CADPS2: variants seen among roughly 807,000 people sequenced by gnomAD.
CADPS2 encodes the protein calcium-dependent secretion activator 2.
Under a neutral mutation model 172.5 loss-of-function variants are expected in CADPS2, and 93 were observed. The ratio of observed to expected loss-of-function variants is 0.54; its 90% CI spans 0.46 to 0.64. The LOEUF is 0.64. CADPS2 is among the 30% of genes least tolerant of loss of function. The pLI, the probability that CADPS2 is intolerant of heterozygous loss-of-function variation, is 0.00. For synonymous variants in CADPS2, 546 were observed against 555.2 expected, an observed-to-expected ratio of 0.98 and a Z score of 0.23; for missense variants, 1,420 against 1,565.9, an observed-to-expected ratio of 0.91 and a Z score of 1.57.
chr7:122,701,363 TCTCA>T (rs1233153271), intron 2 of CADPS2, among the ~76,000 whole-genome samples: 1 of 152,040 alleles, frequency 6.6e-6, no homozygotes, highest in Non-Finnish European at 1.5e-5. Flanking sequence ...CACCGCATGT[TCTCA>T]CTCATAGGTG....
intron 2 of CADPS2, among the ~76,000 whole-genome samples, chr7:122,712,553 G>C (rs150049985): frequency 1.7e-3 from 263 of 152,208 alleles, no homozygotes; most frequent in African/African-American, 5.7e-3. Flanking sequence ...GGGATTCAAA[G>C]ATGAGGTCAT....
chr7:122,347,379 A>G (rs1230269580), intron 27 of CADPS2, among the ~76,000 whole-genome samples: 1 of 152,144 alleles, frequency 6.6e-6, no homozygotes, highest in Non-Finnish European at 1.5e-5. Flanking sequence ...TGTCTTACTT[A>G]TTCCATTTAT....
In CADPS2 at chr7:122,386,827, T is replaced by C. The variant is rs189262823; in HGVS notation, c.3312+199A>G. ...AAATTCATGGCCACTAATGCAATTT[T>C]AGACCATATTTATATCAAAAAGGAG... On this transcript the variant is annotated intron_variant, in intron 24 of 29. Transcript: ENST00000449022. Among the ~76,000 whole-genome samples, 120 of 152,262 alleles carry C rather than the reference T, an allele frequency of 7.9e-4. 1 individual carries two copies. Among genetic ancestry groups the C allele is most frequent in the Non-Finnish European group, 1.5e-3 (104 of 67,998 alleles).
At chr7:122,719,263 G>C (rs1054544416) in intron 2 of CADPS2, among the ~76,000 whole-genome samples, 1 of 151,970 alleles carries the variant, frequency 6.6e-6, no homozygotes, top group Non-Finnish European at 1.5e-5. Context: ...AAGAAGGGGT[G>C]GGGGAGAGAG....
At chr7:122,415,341 G>A (rs373995629) in intron 18 of CADPS2, among the ~76,000 whole-genome samples, 2 of 152,196 alleles carry the variant, frequency 1.3e-5, no homozygotes, top group Non-Finnish European at 2.9e-5. Context: ...GGAAAAGCAC[G>A]TGATGCAGCA....
chr7:122,714,306 C>T (rs76252061), intron 2 of CADPS2, among the ~76,000 whole-genome samples: 4,322 of 152,086 alleles, frequency 0.028, 90 homozygotes, highest in Non-Finnish European at 0.04. Context: ...GCAGTCTATA[C>T]CTACAAGAAT....
chr7:122,845,271 G>A (rs1372178232), intron 1 of CADPS2, among the ~76,000 whole-genome samples: 18 of 152,162 alleles, frequency 1.2e-4, no homozygotes, highest in Admixed American at 1.2e-3. Context: ...GACCCCTGAA[G>A]AAGGGACCCA....
intron 6 of CADPS2, among the ~76,000 whole-genome samples, chr7:122,602,163 T>C (rs1220735205): frequency 6.6e-6 from 1 of 151,158 alleles, no homozygotes. Context: ...AATAATTACA[T>C]AATGCATAGA....
At chr7:122,396,047 T>C (rs1388288988) in intron 20 of CADPS2, among the ~76,000 whole-genome samples, 1 of 152,164 alleles carries the variant, frequency 6.6e-6, no homozygotes, top group African/African-American at 2.4e-5. Context: ...CGACCTCAGG[T>C]GATCCACCCG....
chr7:122,726,923 G>A (rs1042945915), intron 2 of CADPS2, among the ~76,000 whole-genome samples: 3 of 151,930 alleles, frequency 2.0e-5, no homozygotes, highest in East Asian at 3.9e-4. Flanking sequence ...CTGAGGAAAG[G>A]CATTTAAAGT....
At chr7:122,768,977 G>T (rs184564863) in intron 1 of CADPS2, among the ~76,000 whole-genome samples, 1 of 151,818 alleles carries the variant, frequency 6.6e-6, no homozygotes, top group Non-Finnish European at 1.5e-5. Context: ...AGAAAGAAAC[G>T]GTCACAGCTG....
chr7:122,613,445 A>G (rs1587837515), intron 6 of CADPS2, among the ~76,000 whole-genome samples: 2 of 152,106 alleles, frequency 1.3e-5, no homozygotes, highest in African/African-American at 4.8e-5. Context: ...AAATATATAT[A>G]TATGGAAGAT....
At chr7:122,841,498 A>G (rs1328654903) in intron 1 of CADPS2, among the ~76,000 whole-genome samples, 3 of 152,226 alleles carry the variant, frequency 2.0e-5, no homozygotes, top group Admixed American at 2.0e-4. Flanking sequence ...ACCTTACTGT[A>G]TAAAATATGC....
At chr7:122,543,234 C>G (rs2063282859) in intron 8 of CADPS2, among the ~76,000 whole-genome samples, 1 of 152,070 alleles carries the variant, frequency 6.6e-6, no homozygotes, top group South Asian at 2.1e-4. Context: ...ACACTTTTTA[C>G]ATATGATTAT....
chr7:122,443,748 T>A (rs1163102807), intron 15 of CADPS2, among the ~76,000 whole-genome samples: 1 of 151,146 alleles, frequency 6.6e-6, no homozygotes, highest in Non-Finnish European at 1.5e-5. Flanking sequence ...CTGTCAACTT[T>A]TAGCTGATTC....
At chr7:122,338,822 G>T (rs2036310628) in intron 28 of CADPS2, 1 of 152,124 alleles carries the variant, frequency 6.6e-6, no homozygotes. Flanking sequence ...AGTACAGTGT[G>T]TGGTCATAGC....
intron 7 of CADPS2, among the ~76,000 whole-genome samples, chr7:122,562,121 A>G (rs1257773693): frequency 6.6e-6 from 1 of 152,186 alleles, no homozygotes; most frequent in Admixed American, 6.6e-5. Context: ...TCATCCTTCC[A>G]TATCTGGAAT....
intron 2 of CADPS2, among the ~76,000 whole-genome samples, chr7:122,731,652 G>GGA (rs2091651078): frequency 7.3e-6 from 1 of 137,570 alleles, no homozygotes; most frequent in Admixed American, 7.3e-5. Context: ...GGTGCTTAAA[G>GGA]AAAAAAAAAA....
At chr7:122,346,136 G>A (rs1319620648) in intron 27 of CADPS2, among the ~76,000 whole-genome samples, 1 of 152,022 alleles carries the variant, frequency 6.6e-6, no homozygotes, top group African/African-American at 2.4e-5. Flanking sequence ...AAAGGCTGAG[G>A]CAGGTGGATC....
Sources: allele counts gnomAD v4.1 joint callset (sites outside exome capture counted in the v4.1 genomes callset), GRCh38; gene constraint gnomAD v4.1.1; transcripts MANE v1.5; gene names NCBI Gene and HGNC (gene_info 2026-07-23, HGNC 2026-07-21).